The following MCTP2 variants were observed in gnomAD, a reference collection of about 807,000 sequenced individuals.
MCTP2 encodes multiple C2 and transmembrane domain-containing protein 2.
In MCTP2, 132 loss-of-function variants were observed where a neutral mutation model predicts 111.6. The ratio of observed to expected loss-of-function variants is 1.18; its 90% CI spans 1.03 to 1.37. The LOEUF (loss-of-function observed/expected upper bound fraction) is 1.37. MCTP2 is among the 40% of genes most tolerant of loss of function. MCTP2 has a pLI of 0.00. For synonymous variants in MCTP2, 395 were observed against 387.7 expected (o/e 1.02, Z -0.22); for missense variants, 1,183 against 1,067.9 (o/e 1.11, Z -1.50).
At chr15:94,244,134 A>G (rs1567256865) in intron 1 of MCTP2, among the ~76,000 whole-genome samples, 1 of 145,450 alleles carries the variant, frequency 6.9e-6, no homozygotes, top group Non-Finnish European at 1.5e-5. Flanking sequence ...ACATGTATAC[A>G]CATGCATATG....
chr15:94,355,107 GC>G (rs1285528754), intron 8 of MCTP2, among the ~76,000 whole-genome samples: 2 of 152,194 alleles, frequency 1.3e-5, no homozygotes, highest in African/African-American at 4.8e-5. Flanking sequence ...AGACAAACTA[GC>G]CATAAAAAGG....
At chr15:94,382,729 C>T (rs1000206788) in intron 12 of MCTP2, among the ~76,000 whole-genome samples, 2 of 152,270 alleles carry the variant, frequency 1.3e-5, no homozygotes, top group Non-Finnish European at 2.9e-5. Context: ...AGGCCCTGGC[C>T]TGGGACTCCT....
chr15:94,414,323 A>G (rs1387529596), intron 17 of MCTP2, among the ~76,000 whole-genome samples: 1 of 152,170 alleles, frequency 6.6e-6, no homozygotes, highest in East Asian at 1.9e-4. Context: ...GCCTTCTTAT[A>G]TTCTGTTTCA....
At chr15:94,244,488 G>T (rs886597526) in intron 1 of MCTP2, among the ~76,000 whole-genome samples, 3 of 142,540 alleles carry the variant, frequency 2.1e-5, no homozygotes, top group Admixed American at 6.8e-5. Flanking sequence ...GTTTATATAC[G>T]TATATGTATA....
At chr15:94,452,253 A>T (rs918840028) in intron 19 of MCTP2, among the ~76,000 whole-genome samples, 3 of 152,252 alleles carry the variant, frequency 2.0e-5, no homozygotes, top group Non-Finnish European at 4.4e-5. Context: ...GAAAAGACCC[A>T]TAAAATCAAT....
Position 94,340,124 on chromosome 15 carries a change from G to A in MCTP2, c.781-75G>A. ...CTGATTTCAGAATTTCCAACCTATTGCATTTGTTAATAATTTGAAAAACTC... is the reference window on the plus strand; with the variant it reads ...CTGATTTCAGAATTTCCAACCTATTACATTTGTTAATAATTTGAAAAACTC... On this transcript the variant is annotated intron_variant, in intron 5 of 22. Coordinates refer to ENST00000357742, the MANE Select transcript of MCTP2 (RefSeq NM_001385001.1). 3 of 967,848 alleles carry A rather than the reference G, an allele frequency of 3.1e-6. 1 individual carries two copies. The South Asian group carries it at 4.1e-5, about 13-fold the overall frequency. The allele number at this position is 967,848 out of a possible 1,614,324, so 60.0% of individuals were successfully genotyped here.
At chr15:94,302,323 T>C (rs2075655710) in intron 2 of MCTP2, among the ~76,000 whole-genome samples, 1 of 152,180 alleles carries the variant, frequency 6.6e-6, no homozygotes, top group South Asian at 2.1e-4. Context: ...ATATCAGCAA[T>C]GCCTGAATTC....
Position 94,356,367 on chromosome 15 carries a change from C to G in MCTP2, c.1170+66C>G. 4 of 1,381,692 alleles carry G rather than the reference C, an allele frequency of 2.9e-6. No individual in the cohort carries two copies. In the South Asian group the frequency reaches 6.7e-5, roughly 23 times the overall value. The allele number at this position is 1,381,692 out of a possible 1,614,324, so 85.6% of individuals were successfully genotyped here. A position where few individuals can be genotyped will look rare whatever the true frequency, so the allele number is the denominator to read the frequency against. ...AATAAAAAAAAATTAAAAATTGTTT[C>G]CCACTTTAAATTTTACAAAAGTAGA... On this transcript the variant is annotated intron_variant, in intron 9 of 22. Coordinates refer to ENST00000357742, the MANE Select transcript of MCTP2 (RefSeq NM_001385001.1).
intron 14 of MCTP2, among the ~76,000 whole-genome samples, chr15:94,394,049 C>CAAA (rs767685107): frequency 1.8e-3 from 108 of 61,526 alleles, no homozygotes; most frequent in Middle Eastern, 0.01. Context: ...AACTCCATCT[C>CAAA]AAAAAAAAAA....
At chr15:94,476,983 T>C (rs1297238867) in intron 22 of MCTP2, among the ~76,000 whole-genome samples, 190 bp downstream of exon 22, 1 of 151,924 alleles carries the variant, frequency 6.6e-6, no homozygotes, top group African/African-American at 2.4e-5. Flanking sequence ...TTGGGGGAAA[T>C]TGTTTTGAAA....
chr15:94,289,232 CAG>C (rs2074919557), intron 1 of MCTP2, among the ~76,000 whole-genome samples: 1 of 152,148 alleles, frequency 6.6e-6, no homozygotes, highest in Non-Finnish European at 1.5e-5. Context: ...TGAAGTCAGT[CAG>C]AGCAATGATA....
At chr15:94,318,440 T>C (rs374230088) in intron 4 of MCTP2, among the ~76,000 whole-genome samples, 25 of 152,108 alleles carry the variant, frequency 1.6e-4, no homozygotes, top group African/African-American at 6.0e-4. Flanking sequence ...CGCACCACCA[T>C]GTCCAGCTAA....
intron 2 of MCTP2, among the ~76,000 whole-genome samples, chr15:94,303,677 CAT>C (rs1190567044): frequency 1.3e-5 from 2 of 152,134 alleles, no homozygotes; most frequent in Admixed American, 6.5e-5. Context: ...CCTCCTACAA[CAT>C]GTGGGAATTA....
At chr15:94,471,534 C>A in intron 21 of MCTP2, among the ~76,000 whole-genome samples, 1 of 152,116 alleles carries the variant, frequency 6.6e-6, no homozygotes. Context: ...CATACAATTA[C>A]AGAAGTAGAA....
At chr15:94,446,752 G>T (rs539734265) in intron 19 of MCTP2, among the ~76,000 whole-genome samples, 2 of 152,196 alleles carry the variant, frequency 1.3e-5, no homozygotes, top group Non-Finnish European at 2.9e-5. Flanking sequence ...GTGCTCCAAG[G>T]CTTGCATTGT....
intron 17 of MCTP2, among the ~76,000 whole-genome samples, chr15:94,410,514 T>A (rs1255416795): frequency 6.6e-6 from 1 of 151,484 alleles, no homozygotes; most frequent in Non-Finnish European, 1.5e-5. Flanking sequence ...GAGTCCAGCC[T>A]GGGCAACAGA....
At chr15:94,478,880 T>C in intron 22 of MCTP2, 86 bp from the exon 23 acceptor site, 1 of 1,124,770 alleles carries the variant, frequency 8.9e-7, no homozygotes, top group South Asian at 1.3e-5. Flanking sequence ...TCCTTTGCCT[T>C]CGGTTGTCCT....
chr15:94,246,315 A>G (rs1352516443), intron 1 of MCTP2, among the ~76,000 whole-genome samples: 1 of 152,142 alleles, frequency 6.6e-6, no homozygotes, highest in Non-Finnish European at 1.5e-5. Flanking sequence ...GTCACTGGGA[A>G]AGTTACTTAA....
intron 4 of MCTP2, among the ~76,000 whole-genome samples, chr15:94,324,066 A>C (rs1242499072): frequency 6.6e-6 from 1 of 152,186 alleles, no homozygotes; most frequent in Non-Finnish European, 1.5e-5. Context: ...GAAATATGTG[A>C]GCAATCGCCT....
Sources: gnomAD v4.1 joint callset for allele counts (sites outside exome capture counted in the v4.1 genomes callset) on GRCh38, gnomAD v4.1.1 for gene constraint, MANE v1.5 for transcripts, NCBI Gene and HGNC (gene_info 2026-07-23, HGNC 2026-07-21) for gene names.